The following CSNK2A1 variants were observed in gnomAD, a reference collection of about 807,000 sequenced individuals.
CSNK2A1 encodes the protein casein kinase II subunit alpha.
A neutral mutation model predicts 62.9 loss-of-function variants in CSNK2A1; 10 were observed. The observed-to-expected ratio is 0.16, with a 90% CI of 0.10 to 0.27. The LOEUF is 0.27. CSNK2A1 is among the 10% of genes least tolerant of loss of function. The probability of loss-of-function intolerance (pLI) is 1.00; values close to 1 mark genes in which losing one functional copy is unlikely to be tolerated. For missense variants in CSNK2A1, 160 were observed against 492.0 expected, an observed-to-expected ratio of 0.33 and a Z score of 6.38; for synonymous variants, 124 against 167.8, an observed-to-expected ratio of 0.74 and a Z score of 2.02.
Position 499,226 on chromosome 20 carries a change from AG to A in CSNK2A1, c.366+28del, listed in dbSNP as rs1336693793. 1 of 1,565,294 alleles carries A rather than the reference AG, an allele frequency of 6.4e-7. No individual in the cohort carries two copies. Among genetic ancestry groups the A allele is most frequent in the Non-Finnish European group, 8.7e-7 (1 of 1,154,486 alleles). On this transcript the variant is annotated intron_variant, in intron 6 of 13. Coordinates refer to ENST00000217244, the MANE Select transcript of CSNK2A1 (RefSeq NM_177559.3). This position sits in a 1 kb window ranked among gnomAD's most constrained non-coding sequence, Gnocchi z 4.2. Reference sequence around the variant, plus strand: ...AGGCTATGTGGTCTAAAAACCCACTAGCCCGAAACAGTTGGTTATATATTAT... The same window carrying A: ...AGGCTATGTGGTCTAAAAACCCACTACCCGAAACAGTTGGTTATATATTAT...
intron 3 of CSNK2A1, chr20:506,903 T>C (rs550433485): frequency 5.1e-4 from 78 of 152,296 alleles, no homozygotes; most frequent in African/African-American, 1.7e-3. Context: ...AAGCACTCAA[T>C]TTGAAGATAG....
intron 4 of CSNK2A1, chr20:502,932 C>T (rs1456617391): frequency 6.6e-6 from 1 of 152,230 alleles, no homozygotes; most frequent in Non-Finnish European, 1.5e-5. Context: ...TATCCAAATC[C>T]TCCTCCCATT....
intron 4 of CSNK2A1, chr20:503,556 T>A: frequency 2.5e-6 from 1 of 398,658 alleles, no homozygotes; most frequent in Non-Finnish European, 4.4e-6. Flanking sequence ...AGACACTGGG[T>A]GCACTGCCAG....
At chr20:494,684 A>T (rs1458850701) in intron 8 of CSNK2A1, 1 of 152,232 alleles carries the variant, frequency 6.6e-6, no homozygotes, top group Non-Finnish European at 1.5e-5. Context: ...TTCAGAGAAA[A>T]GGCCTAACAA....
At chr20:507,519 A>G (rs1398439424) in intron 3 of CSNK2A1, 1 of 152,220 alleles carries the variant, frequency 6.6e-6, no homozygotes, top group East Asian at 1.9e-4. Context: ...GCAAACATCC[A>G]AATGAGTCTG....
intron 2 of CSNK2A1, chr20:510,207 T>C (rs1019546697): frequency 6.6e-6 from 1 of 152,022 alleles, no homozygotes; most frequent in Non-Finnish European, 1.5e-5. Context: ...AGTTTCGCTC[T>C]TGTTGCTCAG....
intron 3 of CSNK2A1, chr20:506,204 C>T (rs1298519324): frequency 1.3e-5 from 2 of 152,182 alleles, no homozygotes; most frequent in Non-Finnish European, 2.9e-5. Flanking sequence ...ATTCTTGTCC[C>T]TTAGTGCTTG....
intron 2 of CSNK2A1, chr20:510,078 GACAGA>G (rs1441272267): frequency 3.9e-5 from 6 of 152,226 alleles, no homozygotes; most frequent in Non-Finnish European, 7.3e-5. Context: ...AAACAATATC[GACAGA>G]ACTGGAATTC....
intron 1 of CSNK2A1, among the ~76,000 whole-genome samples, chr20:536,632 G>A (rs1315429564): frequency 2.0e-5 from 3 of 152,088 alleles, no homozygotes; most frequent in Admixed American, 2.0e-4. Context: ...CTCCCTACCC[G>A]CAATCTCAAT....
intron 11 of CSNK2A1, 91 bp downstream of exon 11, chr20:488,587 A>C: frequency 7.6e-7 from 1 of 1,320,468 alleles, no homozygotes; most frequent in Non-Finnish European, 1.1e-6. Context: ...AGTGCTGGCA[A>C]AGAAAACATA....
intron 2 of CSNK2A1, among the ~76,000 whole-genome samples, chr20:512,863 T>G (rs12625156): frequency 0.013 from 2,055 of 152,310 alleles, 40 homozygotes; most frequent in East Asian, 0.088. Context: ...CAGTTAAAAC[T>G]GTAAACGCAC....
In CSNK2A1 at chr20:479,777, T is replaced by A. The variant is rs2017918576; in HGVS notation, c.*4184A>T. ...TACTTGGAGAATAGTCTGAATTTCG[T>A]ATTACACGTTGAGCATTTCTAATTT... On this transcript the variant is annotated 3_prime_UTR_variant, in exon 14 of 14. Coordinates refer to ENST00000217244, the MANE Select transcript of CSNK2A1 (RefSeq NM_177559.3). 1.3e-5 allele frequency: 2 copies of A among 152,220 alleles called. No homozygotes were observed. The highest frequency in any genetic ancestry group is 2.9e-5 in the Non-Finnish European group (2 of 68,044). 9.4% of individuals were successfully genotyped at this position (152,220 alleles called of 1,614,324 possible). A position where few individuals can be genotyped will look rare whatever the true frequency, so the allele number is the denominator to read the frequency against.
chr20:540,638 G>A (rs536597306), intron 1 of CSNK2A1, among the ~76,000 whole-genome samples: 13 of 152,056 alleles, frequency 8.5e-5, no homozygotes, highest in Non-Finnish European at 1.6e-4. Context: ...GGGCTCAAGC[G>A]ATCCTCCTGT....
chr20:491,166 C>G (rs1429888368), intron 9 of CSNK2A1, among the ~76,000 whole-genome samples: 1 of 152,040 alleles, frequency 6.6e-6, no homozygotes, highest in Non-Finnish European at 1.5e-5. Context: ...CTGATAATAA[C>G]CTGGAAAGAC....
chr20:540,912 C>T (rs2019436978), intron 1 of CSNK2A1: 1 of 152,142 alleles, frequency 6.6e-6, no homozygotes, highest in African/African-American at 2.4e-5. Flanking sequence ...CAAGGTGTCT[C>T]AAGGTTGCAT....
At chr20:543,549 G>T (rs1195714342) in intron 1 of CSNK2A1, 123 bp downstream of exon 1, 8 of 396,370 alleles carry the variant, frequency 2.0e-5, no homozygotes, top group Admixed American at 4.4e-5. Context: ...TGAAGGTGGG[G>T]GCAGGGGAAG....
rs1055151101 is a variant in CSNK2A1, at chr20:543,760, G to T, written c.-315C>A. 1.6e-4 allele frequency: 62 copies of T among 398,302 alleles called. No individual in the cohort carries two copies. The highest frequency in any genetic ancestry group is 1.5e-3 in the Admixed American group (33 of 22,720). The allele number at this position is 398,302 out of a possible 1,614,324, so 24.7% of individuals were successfully genotyped here. On this transcript the variant is annotated 5_prime_UTR_variant, in exon 1 of 14. Transcript: ENST00000217244. ...CGATGGAGGAGGAGACACACGGCTC[G>T]GCCGCCAGCCGCAGGGACCAGAGCG...
intron 9 of CSNK2A1, among the ~76,000 whole-genome samples, chr20:490,335 C>CT (rs907727482): frequency 9.2e-4 from 78 of 84,798 alleles, no homozygotes; most frequent in African/African-American, 1.9e-3. Flanking sequence ...CTAGTTTTTT[C>CT]TTTTTTTTTT....
intron 1 of CSNK2A1, chr20:540,942 A>C (rs749912550): frequency 3.9e-5 from 6 of 152,322 alleles, no homozygotes; most frequent in Non-Finnish European, 8.8e-5. Flanking sequence ...GAAACTGGGA[A>C]ATTCACTTCC....
Sources: gnomAD v4.1 joint callset for allele counts (sites outside exome capture counted in the v4.1 genomes callset) on GRCh38, gnomAD v4.1.1 for gene constraint, Gnocchi (gnomAD v3.1) non-coding constraint, MANE v1.5 for transcripts, NCBI Gene and HGNC (gene_info 2026-07-23, HGNC 2026-07-21) for gene names.